The following FRK variants were observed in gnomAD, a reference collection of about 807,000 sequenced individuals.
FRK encodes the protein fyn related Src family tyrosine kinase.
FRK carries 51 observed loss-of-function variants against 56.4 expected under a neutral mutation model. That is an observed-to-expected ratio of 0.90 (90% CI 0.72 to 1.14). The LOEUF (loss-of-function observed/expected upper bound fraction) is 1.14, where lower values mean the gene tolerates loss of function less well. Ranked by LOEUF, FRK falls within the 50% of genes most tolerant of loss-of-function variation. The pLI is 0.00. For synonymous variants in FRK, 245 were observed against 217.9 expected, an observed-to-expected ratio of 1.12 and a Z score of -1.10; for missense variants, 570 against 601.4, an observed-to-expected ratio of 0.95 and a Z score of 0.55.
rs1395737501 is a variant in FRK, at chr6:115,937,462, T to C, written c.*4952A>G. 6.6e-6 allele frequency: 1 copy of C among 152,112 alleles called. No homozygotes were observed. The highest frequency in any genetic ancestry group is 1.5e-5 in the Non-Finnish European group (1 of 68,018). The allele number at this position is 152,112 out of a possible 1,614,324, so 9.4% of individuals were successfully genotyped here. ...GCTAGCATCATATGACAGAATCAAA[T>C]TCACACATAACAATACTAACCTTAA... On this transcript the variant is annotated 3_prime_UTR_variant, in exon 8 of 8. Coordinates refer to ENST00000606080, the MANE Select transcript of FRK (RefSeq NM_002031.3).
intron 6 of FRK, among the ~76,000 whole-genome samples, chr6:115,943,872 T>A (rs1441417690): frequency 6.6e-6 from 1 of 152,200 alleles, no homozygotes; most frequent in East Asian, 1.9e-4. Context: ...TCTGGCAGCA[T>A]GCAAATTAAT....
rs1281984541 is a variant in FRK at position 115,941,941 on chromosome 6, A to C, written c.*473T>G. On this transcript the variant is annotated 3_prime_UTR_variant, in exon 8 of 8. Coordinates refer to ENST00000606080, the MANE Select transcript of FRK (RefSeq NM_002031.3). ...CAGGATATTTTAAAAGAGAAAAAAA[A>C]ATCTCAAAGCACAGGTCCTGCTGTG... The C allele has an allele frequency of 6.5e-6, 1 of 153,660 alleles. No homozygotes were observed. Among genetic ancestry groups the C allele is most frequent in the Non-Finnish European group, 1.5e-5 (1 of 68,854 alleles). The allele number at this position is 153,660 out of a possible 1,614,324, so 9.5% of individuals were successfully genotyped here. A position where few individuals can be genotyped will look rare whatever the true frequency, so the allele number is the denominator to read the frequency against.
At chr6:116,013,442 A>G (rs1303726789) in intron 1 of FRK, among the ~76,000 whole-genome samples, 1 of 152,172 alleles carries the variant, frequency 6.6e-6, no homozygotes, top group East Asian at 1.9e-4. Flanking sequence ...CCTGAAATAA[A>G]AATGTAAATT....
At chr6:115,968,855 T>C (rs1773694943) in intron 2 of FRK, 116 bp from the exon 3 acceptor site, 10 of 847,866 alleles carry the variant, frequency 1.2e-5, no homozygotes, top group Admixed American at 5.7e-5. Flanking sequence ...TTATATGTGT[T>C]TCTCAACTTT....
At chr6:115,949,717 T>C (rs1166117619) in intron 5 of FRK, among the ~76,000 whole-genome samples, 2 of 152,208 alleles carry the variant, frequency 1.3e-5, no homozygotes, top group African/African-American at 4.8e-5. Flanking sequence ...AGAGCCCGTA[T>C]AGCCAAGACA....
chr6:115,979,808 A>G (rs1774130291), intron 2 of FRK, among the ~76,000 whole-genome samples: 1 of 152,198 alleles, frequency 6.6e-6, no homozygotes, highest in South Asian at 2.1e-4. Context: ...GTTTAGGGAC[A>G]TGCTGTACAG....
chr6:115,966,563 A>T (rs1773586198), intron 4 of FRK, among the ~76,000 whole-genome samples: 1 of 152,210 alleles, frequency 6.6e-6, no homozygotes. Flanking sequence ...CAAGAGCTCA[A>T]GTTCTGCCAC....
chr6:115,940,235 T>G lies in FRK; in HGVS notation c.*2179A>C, dbSNP rs1772131797. On this transcript the variant is annotated 3_prime_UTR_variant, in exon 8 of 8. Transcript: ENST00000606080. ...ACAAAAACAACCAATGGGGAAAGGA[T>G]TCCCTATTTAATAAATGGTGTTGGG... 1 of 152,178 alleles carries G rather than the reference T, an allele frequency of 6.6e-6. No individual in the cohort carries two copies. Among genetic ancestry groups the G allele is most frequent in the Admixed American group, 6.5e-5 (1 of 15,276 alleles). 9.4% of individuals were successfully genotyped at this position (152,178 alleles called of 1,614,324 possible).
chr6:116,044,677 A>G lies in FRK; in HGVS notation c.344+15291T>C, dbSNP rs62414106. ...CATTCCCTTTGAAAATTGGCACAAG[A>G]CAAGGATGATCTCTCTCACCAATCC... On this transcript the variant is annotated intron_variant, in intron 1 of 7. Coordinates refer to ENST00000606080, the MANE Select transcript of FRK (RefSeq NM_002031.3). Among the ~76,000 whole-genome samples the G allele has an allele frequency of 4.4e-3, 672 of 152,314 alleles. 3 individuals carry two copies. Among genetic ancestry groups the G allele is most frequent in the Non-Finnish European group, 6.1e-3 (415 of 68,012 alleles).
chr6:116,093,497 G>T, the FRK span, among the ~76,000 whole-genome samples: 1 of 152,048 alleles, frequency 6.6e-6, no homozygotes, highest in Non-Finnish European at 1.5e-5. Context: ...TTAATGAAAA[G>T]AATGCTTTAG....
chr6:115,950,239 A>G (rs568021538), intron 5 of FRK, among the ~76,000 whole-genome samples: 1 of 152,330 alleles, frequency 6.6e-6, no homozygotes, highest in African/African-American at 2.4e-5. Context: ...ATCAGAGTGA[A>G]CAGGGAACAT....
At chr6:116,070,019 C>G in the FRK span, among the ~76,000 whole-genome samples, 2 of 152,028 alleles carry the variant, frequency 1.3e-5, no homozygotes, top group Admixed American at 1.3e-4. Flanking sequence ...CTCACTATCA[C>G]CCACGTTTGA....
At chr6:116,053,549 T>A (rs1777259729) in intron 1 of FRK, among the ~76,000 whole-genome samples, 1 of 152,158 alleles carries the variant, frequency 6.6e-6, no homozygotes, top group African/African-American at 2.4e-5. Flanking sequence ...AACCATGGAA[T>A]TAAATTAATT....
the FRK span, among the ~76,000 whole-genome samples, chr6:116,070,958 A>G: frequency 2.6e-5 from 4 of 152,130 alleles, no homozygotes; most frequent in Non-Finnish European, 4.4e-5. Flanking sequence ...GTACTTTAAT[A>G]ACTAAGTTCA....
chr6:116,025,479 T>C (rs1337871553), intron 1 of FRK, among the ~76,000 whole-genome samples: 1 of 152,200 alleles, frequency 6.6e-6, no homozygotes, highest in African/African-American at 2.4e-5. Flanking sequence ...AAATATTCTA[T>C]TGAATTTCAG....
the FRK span, among the ~76,000 whole-genome samples, chr6:116,069,694 T>C: frequency 6.6e-6 from 1 of 152,162 alleles, no homozygotes; most frequent in East Asian, 1.9e-4. Flanking sequence ...ATGAATGTCA[T>C]TCTGCACTAG....
chr6:116,008,790 A>G (rs190006628), intron 1 of FRK, among the ~76,000 whole-genome samples: 1 of 152,318 alleles, frequency 6.6e-6, no homozygotes, highest in East Asian at 1.9e-4. Flanking sequence ...CAGTAGACAG[A>G]GAGTGCTGAG....
chr6:116,049,260 C>A (rs1777101974), intron 1 of FRK, among the ~76,000 whole-genome samples: 1 of 152,154 alleles, frequency 6.6e-6, no homozygotes, highest in South Asian at 2.1e-4. Flanking sequence ...AATGCTTCAG[C>A]TAAACTCTAC....
chr6:116,073,724 T>A, the FRK span, among the ~76,000 whole-genome samples: 44 of 152,312 alleles, frequency 2.9e-4, no homozygotes, highest in Admixed American at 7.2e-4. Context: ...CATGCAATAA[T>A]ACTTACACTC....
Sources: gnomAD v4.1 joint callset for allele counts (sites outside exome capture counted in the v4.1 genomes callset) on GRCh38, gnomAD v4.1.1 for gene constraint, MANE v1.5 for transcripts, NCBI Gene and HGNC (gene_info 2026-07-23, HGNC 2026-07-21) for gene names.